AK8: variants seen among roughly 807,000 people sequenced by gnomAD.
AK8 encodes the protein ATP-AMP transphosphorylase 8.
AK8 carries 44 observed loss-of-function variants against 54.6 expected under a neutral mutation model. The ratio of observed to expected loss-of-function variants is 0.81; its 90% CI spans 0.63 to 1.04. The LOEUF is 1.04. Among genes scored for constraint, AK8 ranks in the 50% least tolerant of loss-of-function variants. AK8 has a pLI of 0.00. For synonymous variants in AK8, 239 were observed against 245.6 expected (o/e 0.97, Z 0.25); for missense variants, 555 against 613.6 (o/e 0.90, Z 1.01).
At chr9:132,783,751 T>C (rs1032058442) in intron 11 of AK8, among the ~76,000 whole-genome samples, 2 of 151,490 alleles carry the variant, frequency 1.3e-5, no homozygotes, top group South Asian at 2.1e-4. Context: ...AAAAAGGAGA[T>C]GCAAAGAAAG....
intron 11 of AK8, among the ~76,000 whole-genome samples, chr9:132,728,590 A>G (rs769081974): frequency 8.5e-5 from 13 of 152,172 alleles, no homozygotes; most frequent in Non-Finnish European, 1.9e-4. Context: ...CAGCTGTTAT[A>G]ATTTAATCAC....
At chr9:132,764,270 A>G (rs1299968892) in intron 11 of AK8, among the ~76,000 whole-genome samples, 3 of 152,252 alleles carry the variant, frequency 2.0e-5, no homozygotes, top group Non-Finnish European at 4.4e-5. Flanking sequence ...AGATCACACC[A>G]CTGCACTCCA....
chr9:132,805,983 C>T (rs543601644), intron 10 of AK8, among the ~76,000 whole-genome samples: 68 of 151,988 alleles, frequency 4.5e-4, no homozygotes, highest in Non-Finnish European at 7.9e-4. Context: ...CACCCTACAG[C>T]GGGGGCTCTG....
In AK8 at chr9:132,802,135, C is replaced by T. The variant is rs546011274; in HGVS notation, c.980-9360G>A. Among the ~76,000 whole-genome samples the T allele has an allele frequency of 2.4e-3, 363 of 152,364 alleles. 2 individuals are homozygous for T. Among genetic ancestry groups the T allele is most frequent in the Admixed American group, 4.2e-3 (64 of 15,310 alleles). The stretch of plus-strand genomic sequence containing the variant: ...AAGCCACGGAGGTATTGGTAGGCCC[C>T]TGTGTGGCACCCGATGTCGCCTGGG... On this transcript the variant is annotated intron_variant, in intron 10 of 12. Transcript: ENST00000298545.
chr9:132,759,414 C>A (rs186338462), intron 11 of AK8, among the ~76,000 whole-genome samples: 40 of 152,180 alleles, frequency 2.6e-4, no homozygotes, highest in Admixed American at 4.6e-4. Context: ...CAGATGAATG[C>A]CTTTGGCTGA....
intron 4 of AK8, among the ~76,000 whole-genome samples, chr9:132,858,833 G>C (rs1041764048): frequency 3.3e-5 from 5 of 152,196 alleles, no homozygotes; most frequent in African/African-American, 9.7e-5. Flanking sequence ...CAAAGGAAGA[G>C]AGCAGACCTC....
chr9:132,853,953 C>G (rs1480896267), intron 5 of AK8, among the ~76,000 whole-genome samples: 2 of 151,892 alleles, frequency 1.3e-5, no homozygotes, highest in Non-Finnish European at 2.9e-5. Flanking sequence ...AAACTGTTAA[C>G]CTAGGATTCT....
At position 132,761,259 on chromosome 9, in the gene AK8, CT is replaced by C. The variant is rs202041016; in HGVS notation, c.1121+31374del. Among the ~76,000 whole-genome samples, 43 of 133,358 alleles carry C rather than the reference CT, an allele frequency of 3.2e-4. 1 individual carries two copies. The highest frequency in any genetic ancestry group is 3.7e-4 in the Admixed American group (5 of 13,640). 87.5% of individuals were successfully genotyped at this position (133,358 alleles called of 152,430 possible). A position where few individuals can be genotyped will look rare whatever the true frequency, so the allele number is the denominator to read the frequency against. On this transcript the variant is annotated intron_variant, in intron 11 of 12. Transcript: ENST00000298545. ...GGATTTTCTATTTCTTTTTTCTTTT[CT>C]TTTCTTTTCTTTTTTTTTTTTTTTG...
At chr9:132,771,036 A>C (rs1455733618) in intron 11 of AK8, among the ~76,000 whole-genome samples, 1 of 152,168 alleles carries the variant, frequency 6.6e-6, no homozygotes, top group African/African-American at 2.4e-5. Flanking sequence ...ACTTAGTGCC[A>C]GGGTGACCTG....
chr9:132,784,446 G>C (rs1839606300), intron 11 of AK8, among the ~76,000 whole-genome samples: 1 of 152,196 alleles, frequency 6.6e-6, no homozygotes, highest in South Asian at 2.1e-4. Flanking sequence ...TTGAAGTCAG[G>C]AGGGGAAGGT....
At position 132,826,796 on chromosome 9, in the gene AK8, C is replaced by A; in HGVS notation, c.757+58G>T. ...GAATAAGGGACAAAGTGGTAGAAGGCACAGCGAGCCCCGCCCTTGGCCGTC... is the reference window on the plus strand; with the variant it reads ...GAATAAGGGACAAAGTGGTAGAAGGAACAGCGAGCCCCGCCCTTGGCCGTC... On this transcript the variant is annotated intron_variant, in intron 8 of 12. Transcript: ENST00000298545. This position sits in a 1 kb window ranked among gnomAD's most constrained non-coding sequence, Gnocchi z 4.5. 6.4e-7 allele frequency: 1 copy of A among 1,566,322 alleles called. No homozygotes were observed. Among genetic ancestry groups the A allele is most frequent in the Non-Finnish European group, 8.8e-7 (1 of 1,138,004 alleles).
intron 2 of AK8, among the ~76,000 whole-genome samples, chr9:132,872,915 C>T (rs578210309): frequency 1.3e-4 from 20 of 152,266 alleles, no homozygotes; most frequent in African/African-American, 4.8e-4. Context: ...GGGTTCACAC[C>T]ATTCTCCCGC....
At chr9:132,763,823 T>C (rs1216994415) in intron 11 of AK8, among the ~76,000 whole-genome samples, 2 of 152,248 alleles carry the variant, frequency 1.3e-5, no homozygotes, top group Non-Finnish European at 2.9e-5. Flanking sequence ...TCTAAAGTTT[T>C]TCTTTTAACA....
rs117644132 is a variant in AK8 at position 132,841,063 on chromosome 9, G to A, written c.403-12337C>T. Among the ~76,000 whole-genome samples the A allele has an allele frequency of 8.2e-3, 1,248 of 152,338 alleles. 9 individuals are homozygous for A. Among genetic ancestry groups the A allele is most frequent in the Non-Finnish European group, 0.013 (859 of 68,028 alleles). On this transcript the variant is annotated intron_variant, in intron 5 of 12. Transcript: ENST00000298545. Reference sequence around the variant, plus strand: ...GGCTGGGCACAGTGCTAAGTGCTATGCTTGGATCGTCACATTTTAATCAGA... The same window carrying A: ...GGCTGGGCACAGTGCTAAGTGCTATACTTGGATCGTCACATTTTAATCAGA...
chr9:132,787,527 A>G (rs1337828556), intron 11 of AK8, among the ~76,000 whole-genome samples: 2 of 152,222 alleles, frequency 1.3e-5, no homozygotes, highest in Non-Finnish European at 2.9e-5. Context: ...GTATGAAGAT[A>G]GAATAGACAC....
chr9:132,760,062 T>C (rs1046385493), intron 11 of AK8, among the ~76,000 whole-genome samples: 11 of 152,214 alleles, frequency 7.2e-5, no homozygotes, highest in African/African-American at 2.4e-4. Flanking sequence ...GAACGAGACA[T>C]TGCCTCCCTC....
At chr9:132,831,360 T>C (rs1361477150) in intron 5 of AK8, among the ~76,000 whole-genome samples, 1 of 152,238 alleles carries the variant, frequency 6.6e-6, no homozygotes, top group Non-Finnish European at 1.5e-5. Context: ...CTCATGTGCT[T>C]AAGTTGTTTT....
chr9:132,854,875 T>G lies in AK8; in HGVS notation c.384A>C (p.Glu128Asp), dbSNP rs761458821. ...GTCTTACCTGCTTGATGCAATCCTC[T>G]TCAGCCAGGCGTTCCTGAATCAGCT... ...LVQLIQERLA[E>D]EDCIKQGWIL... Residue 128 changes from glutamate to aspartate, a missense_variant, in exon 5 of 13, where the codon GAA becomes GAC. Transcript: ENST00000298545. The G allele has an allele frequency of 1.1e-5, 17 of 1,613,962 alleles. No individual in the cohort carries two copies. Among genetic ancestry groups the G allele is most frequent in the Admixed American group, 1.7e-5 (1 of 59,984 alleles).
chr9:132,850,518 C>A (rs1015801450), intron 5 of AK8, among the ~76,000 whole-genome samples: 8 of 151,966 alleles, frequency 5.3e-5, no homozygotes, highest in African/African-American at 1.9e-4. Flanking sequence ...CTGCCTCAGC[C>A]TCCCAAGTAG....
Sources: allele counts gnomAD v4.1 joint callset (sites outside exome capture counted in the v4.1 genomes callset), GRCh38; gene constraint gnomAD v4.1.1; non-coding constraint Gnocchi (gnomAD v3.1); transcripts MANE v1.5; gene names NCBI Gene and HGNC (gene_info 2026-07-23, HGNC 2026-07-21).